The following OSBPL10 variants were observed in gnomAD, a reference collection of about 807,000 sequenced individuals.
OSBPL10 encodes oxysterol-binding protein-related protein 10.
A neutral mutation model predicts 81.7 loss-of-function variants in OSBPL10; 49 were observed. The observed-to-expected ratio is 0.60, with a 90% CI of 0.48 to 0.76. OSBPL10 has a LOEUF of 0.76. Among genes scored for constraint, OSBPL10 ranks in the 30% least tolerant of loss-of-function variants. OSBPL10 has a pLI of 0.00. For synonymous variants in OSBPL10, 419 were observed against 383.6 expected (o/e 1.09, Z -1.08); for missense variants, 923 against 987.8 (o/e 0.93, Z 0.88).
intron 8 of OSBPL10, among the ~76,000 whole-genome samples, chr3:31,682,740 A>G (rs1200521162): frequency 1.3e-5 from 2 of 152,216 alleles, no homozygotes; most frequent in African/African-American, 4.8e-5. Context: ...TCCCCGTGAG[A>G]AAGAAGGAGA....
intron 3 of OSBPL10, among the ~76,000 whole-genome samples, chr3:31,832,978 G>C (rs765532416): frequency 2.6e-5 from 4 of 152,210 alleles, no homozygotes; most frequent in Non-Finnish European, 5.9e-5. Context: ...GGTTTACCTT[G>C]AAATACCGCA....
chr3:31,872,468 TA>T (rs775730483), intron 3 of OSBPL10, among the ~76,000 whole-genome samples: 6 of 148,252 alleles, frequency 4.0e-5, no homozygotes, highest in Non-Finnish European at 8.9e-5. Context: ...TTTTTTTTTT[TA>T]AGTCTGGGAA....
chr3:31,802,956 T>C (rs1699421916), intron 4 of OSBPL10, among the ~76,000 whole-genome samples: 1 of 139,096 alleles, frequency 7.2e-6, no homozygotes, highest in Admixed American at 7.9e-5. Flanking sequence ...ATTTAGACAA[T>C]GGTATTGGGT....
intron 4 of OSBPL10, among the ~76,000 whole-genome samples, chr3:31,783,105 T>C (rs1418424810): frequency 4.7e-5 from 6 of 126,956 alleles, no homozygotes; most frequent in African/African-American, 2.2e-4. Flanking sequence ...TATATCAATA[T>C]ATCTATTATA....
intron 4 of OSBPL10, among the ~76,000 whole-genome samples, chr3:31,816,271 T>C (rs1002918434): frequency 1.3e-5 from 2 of 152,114 alleles, no homozygotes; most frequent in Non-Finnish European, 2.9e-5. Context: ...AACTTTCATG[T>C]CAGTTTAACC....
chr3:32,050,233 A>C (rs1699658732), intron 1 of OSBPL10, among the ~76,000 whole-genome samples: 1 of 152,220 alleles, frequency 6.6e-6, no homozygotes, highest in Non-Finnish European at 1.5e-5. Flanking sequence ...TTGCAAGCTC[A>C]AAATTGACTG....
intron 3 of OSBPL10, among the ~76,000 whole-genome samples, chr3:31,861,006 G>C (rs1311837946): frequency 8.6e-5 from 13 of 151,680 alleles, no homozygotes. Context: ...CCACACATGG[G>C]CAAAAATACC....
At chr3:31,709,054 CATTTGGAGGTAG>C in intron 6 of OSBPL10, 1 of 985,126 alleles carries the variant, frequency 1.0e-6, no homozygotes, top group Non-Finnish European at 1.2e-6. Flanking sequence ...CTTATCTTGC[CATTTGGAGGTAG>C]ATTCAACAAC....
At chr3:31,674,825 A>G (rs888614624) in intron 8 of OSBPL10, among the ~76,000 whole-genome samples, 8 of 152,112 alleles carry the variant, frequency 5.3e-5, no homozygotes, top group Admixed American at 4.6e-4. Flanking sequence ...GTATTCCTTT[A>G]TAGCAACACA....
At chr3:31,757,456 T>C (rs1697921140) in intron 4 of OSBPL10, among the ~76,000 whole-genome samples, 2 of 152,170 alleles carry the variant, frequency 1.3e-5, no homozygotes, top group South Asian at 4.1e-4. Flanking sequence ...CACATCCTTT[T>C]CTCATGGTGC....
intron 6 of OSBPL10, among the ~76,000 whole-genome samples, chr3:31,730,339 A>AT (rs1696935444): frequency 6.6e-6 from 1 of 151,464 alleles, no homozygotes; most frequent in Non-Finnish European, 1.5e-5. Flanking sequence ...GCAAAAAAAA[A>AT]ATCTCCAAAA....
intron 2 of OSBPL10, among the ~76,000 whole-genome samples, chr3:31,993,576 G>A (rs1254637213): frequency 2.0e-5 from 3 of 151,986 alleles, no homozygotes; most frequent in Non-Finnish European, 4.4e-5. Context: ...ACAGATGTCC[G>A]AAAAAGCACA....
At chr3:31,742,037 GAACT>G (rs772597771) in intron 5 of OSBPL10, among the ~76,000 whole-genome samples, 65 of 152,268 alleles carry the variant, frequency 4.3e-4, no homozygotes, top group Non-Finnish European at 1.8e-4. Context: ...TTATGAAAAC[GAACT>G]AATACACCTA....
chr3:31,920,821 G>T (rs1470119117), intron 1 of OSBPL10, among the ~76,000 whole-genome samples: 1 of 152,060 alleles, frequency 6.6e-6, no homozygotes, highest in Non-Finnish European at 1.5e-5. Context: ...AAGAAGCCTG[G>T]CTTCTCTCTT....
chr3:31,788,753 G>A (rs1324896249), intron 4 of OSBPL10, among the ~76,000 whole-genome samples: 1 of 151,820 alleles, frequency 6.6e-6, no homozygotes, highest in African/African-American at 2.4e-5. Context: ...ACTCCAGCCT[G>A]GGCAACAAAG....
At chr3:32,025,742 T>C (rs1699396912) in intron 2 of OSBPL10, among the ~76,000 whole-genome samples, 2 of 152,230 alleles carry the variant, frequency 1.3e-5, no homozygotes, top group South Asian at 2.1e-4. Flanking sequence ...GTCTAATTCA[T>C]CTGCTGTCTA....
chr3:31,809,869 C>CTTTTT (rs34795137), intron 4 of OSBPL10, among the ~76,000 whole-genome samples: 3,880 of 98,392 alleles, frequency 0.039, 466 homozygotes, highest in African/African-American at 0.18. Flanking sequence ...CCCCCTGACT[C>CTTTTT]TTTTTTTTTT....
intron 2 of OSBPL10, among the ~76,000 whole-genome samples, chr3:31,998,177 T>C (rs1020711068): frequency 4.6e-5 from 7 of 152,214 alleles, no homozygotes; most frequent in African/African-American, 1.7e-4. Flanking sequence ...TTGAGTTGTA[T>C]TACTTAGTAA....
At chr3:31,904,946 A>G (rs1418441264) in intron 1 of OSBPL10, among the ~76,000 whole-genome samples, 1 of 152,190 alleles carries the variant, frequency 6.6e-6, no homozygotes, top group Non-Finnish European at 1.5e-5. Flanking sequence ...GGAGGCAGCT[A>G]CAAGCATCTG....
Sources: allele counts gnomAD v4.1 joint callset (sites outside exome capture counted in the v4.1 genomes callset), GRCh38; gene constraint gnomAD v4.1.1; transcripts MANE v1.5; gene names NCBI Gene and HGNC (gene_info 2026-07-23, HGNC 2026-07-21).